Variants in TNFRSF1B observed in about 807,000 individuals in gnomAD.
TNFRSF1B encodes tumor necrosis factor receptor superfamily member 1B.
A neutral mutation model predicts 44.6 loss-of-function variants in TNFRSF1B; 19 were observed. The observed-to-expected ratio is 0.43, with a 90% CI of 0.30 to 0.62. TNFRSF1B has a LOEUF of 0.62. Among genes scored for constraint, TNFRSF1B ranks in the 20% least tolerant of loss-of-function variants. TNFRSF1B has a pLI of 0.16. For synonymous variants in TNFRSF1B, 252 were observed against 261.1 expected (o/e 0.97, Z 0.34); for missense variants, 541 against 619.9 (o/e 0.87, Z 1.35).
chr1:12,206,765 C>A lies in TNFRSF1B; in HGVS notation c.1131C>A (p.Thr377=). The change falls in exon 10 of 10, where the codon ACC becomes ACA. Residue 377 remains threonine, a synonymous_variant. Coordinates refer to ENST00000376259, the MANE Select transcript of TNFRSF1B (RefSeq NM_001066.3). ...SSDSSPGGHG[T]QVNVTCIVNV... ...ATTCTTCCCCTGGTGGCCATGGGAC[C>A]CAGGTCAATGTCACCTGCATCGTGA... 1 of 1,601,280 alleles carries A rather than the reference C, an allele frequency of 6.2e-7. No individual in the cohort carries two copies. Among genetic ancestry groups the A allele is most frequent in the Non-Finnish European group, 8.5e-7 (1 of 1,170,694 alleles).
At chr1:12,183,813 T>G (rs1414017153) in intron 1 of TNFRSF1B, among the ~76,000 whole-genome samples, 1 of 144,368 alleles carries the variant, frequency 6.9e-6, no homozygotes, top group Non-Finnish European at 1.5e-5. Flanking sequence ...TAGCTATCTA[T>G]CTATTCTATC....
At chr1:12,173,774 C>T (rs1388157791) in intron 1 of TNFRSF1B, among the ~76,000 whole-genome samples, 1 of 152,186 alleles carries the variant, frequency 6.6e-6, no homozygotes, top group Non-Finnish European at 1.5e-5. Flanking sequence ...GCCTTGATCA[C>T]CTCTGCTGAG....
rs996737015 is a variant in TNFRSF1B, at chr1:12,188,964, G to A, written c.178+69G>A. On this transcript the variant is annotated intron_variant, in intron 2 of 9. Transcript: ENST00000376259. ...AGCGTGTGTGTACAGGGGCTGGGGC[G>A]CAAGAGCATAGCCCTTGATTCTTAC... is the stretch of plus-strand genomic sequence containing the variant. The A allele has an allele frequency of 1.1e-5, 15 of 1,386,824 alleles. No homozygotes were observed. In the Admixed American group the frequency reaches 1.1e-4, roughly 10 times the overall value. 85.9% of individuals were successfully genotyped at this position (1,386,824 alleles called of 1,614,324 possible).
In TNFRSF1B at chr1:12,202,148, CCCGG is replaced by C; in HGVS notation, c.1083_1086del (p.Arg362ProfsTer23). On this transcript the variant is annotated frameshift_variant, in exon 9 of 10. Transcript: ENST00000376259. LOFTEE classifies it low-confidence loss of function (END_TRUNC). ...GTGGAGGCCAGTGGGGCCGGGGAGG[CCCGG>C]GCCAGCACCGGGAGCTCAGGTAAGA... 1 of 1,552,580 alleles carries C rather than the reference CCCGG, an allele frequency of 6.4e-7. No individual in the cohort carries two copies. The highest frequency in any genetic ancestry group is 8.7e-7 in the Non-Finnish European group (1 of 1,149,210).
Position 12,191,756 on chromosome 1 carries a change from G to A in TNFRSF1B, c.308-18G>A, listed in dbSNP as rs1394661716. ...GCGGAGGCAGGCGTGACCGTTTGCCGCCCTCTCGCTGCTCTAGACCAGGTG... is the reference window on the plus strand; with the variant it reads ...GCGGAGGCAGGCGTGACCGTTTGCCACCCTCTCGCTGCTCTAGACCAGGTG... On this transcript the variant is annotated intron_variant, in intron 3 of 9. Coordinates refer to ENST00000376259, the MANE Select transcript of TNFRSF1B (RefSeq NM_001066.3). 3.1e-6 allele frequency: 5 copies of A among 1,612,660 alleles called. No individual in the cohort carries two copies. The highest frequency in any genetic ancestry group is 2.2e-5 in the South Asian group (2 of 91,004).
intron 4 of TNFRSF1B, among the ~76,000 whole-genome samples, 195 bp downstream of exon 4, chr1:12,192,118 CT>C (rs1413536825): frequency 6.6e-6 from 1 of 152,230 alleles, no homozygotes; most frequent in African/African-American, 2.4e-5. Flanking sequence ...GATTAGGCAC[CT>C]CTTATGTACT....
In TNFRSF1B at chr1:12,166,995, G is replaced by C. The variant is rs951236344; in HGVS notation, c.-97G>C. On this transcript the variant is annotated 5_prime_UTR_variant, in exon 1 of 10. Transcript: ENST00000376259. ...GGGGCGCGGGCTTTCGCTTTCAGTC[G>C]AGGGCTAGCGAGCGCAGCGGAGCCT... The C allele has an allele frequency of 3.0e-6, 3 of 990,994 alleles. No individual in the cohort carries two copies. Among genetic ancestry groups the C allele is most frequent in the South Asian group, 8.4e-5 (2 of 23,750 alleles). The allele number at this position is 990,994 out of a possible 1,614,324, so 61.4% of individuals were successfully genotyped here. A position where few individuals can be genotyped will look rare whatever the true frequency, so the allele number is the denominator to read the frequency against.
intron 1 of TNFRSF1B, among the ~76,000 whole-genome samples, chr1:12,174,154 TCTTCTTCTTCTC>T (rs1557623648): frequency 5.4e-5 from 4 of 74,076 alleles, no homozygotes; most frequent in African/African-American, 1.9e-4. Flanking sequence ...TTCTTCTTCT[TCTTCTTCTTCTC>T]CTTCTCCTTC....
At chr1:12,196,635 C>T (rs1329643984) in intron 8 of TNFRSF1B, among the ~76,000 whole-genome samples, 1 of 152,216 alleles carries the variant, frequency 6.6e-6, no homozygotes, top group Non-Finnish European at 1.5e-5. Context: ...CTGAGTTGCT[C>T]AAGGTCGCAC....
chr1:12,191,940 A>G lies in TNFRSF1B; in HGVS notation c.457+17A>G. On this transcript the variant is annotated intron_variant, in intron 4 of 9. Coordinates refer to ENST00000376259, the MANE Select transcript of TNFRSF1B (RefSeq NM_001066.3). ...CCAGACCAGGTACGGGGTGGGGCTC[A>G]GGTCCTTGGGGACGCCCATGGGCCT... The G allele has an allele frequency of 6.2e-7, 1 of 1,604,480 alleles. No individual in the cohort carries two copies. Among genetic ancestry groups the G allele is most frequent in the Non-Finnish European group, 8.5e-7 (1 of 1,176,016 alleles).
chr1:12,183,699 T>TCTAGCTAG (rs1261488706), intron 1 of TNFRSF1B, among the ~76,000 whole-genome samples: 36 of 102,332 alleles, frequency 3.5e-4, no homozygotes, highest in African/African-American at 1.1e-3. Flanking sequence ...TATCTATCTA[T>TCTAGCTAG]CTATCTATCT....
chr1:12,195,853 GAA>G (rs1243397237), intron 8 of TNFRSF1B, among the ~76,000 whole-genome samples: 1 of 152,144 alleles, frequency 6.6e-6, no homozygotes, highest in Non-Finnish European at 1.5e-5. Flanking sequence ...GGCAGGTAGA[GAA>G]AGAACTTCTC....
chr1:12,206,513 G>A (rs926088140), intron 9 of TNFRSF1B, among the ~76,000 whole-genome samples: 3 of 152,180 alleles, frequency 2.0e-5, no homozygotes, highest in Admixed American at 6.5e-5. Flanking sequence ...GGGTGATTGG[G>A]GCTGGGTAGG....
At chr1:12,182,832 A>G (rs887240236) in intron 1 of TNFRSF1B, among the ~76,000 whole-genome samples, 2 of 152,264 alleles carry the variant, frequency 1.3e-5, no homozygotes, top group African/African-American at 4.8e-5. Flanking sequence ...CCTGGGTGAC[A>G]GAGACAGCTC....
rs528965881 is a variant in TNFRSF1B, at chr1:12,178,490, G to A, written c.79-10306G>A. Among the ~76,000 whole-genome samples, 7 of 152,300 alleles carry A rather than the reference G, an allele frequency of 4.6e-5. No homozygotes were observed. Among genetic ancestry groups the A allele is most frequent in the African/African-American group, 9.6e-5 (4 of 41,546 alleles). ...CCCACGTGTCTGTGTCTGGCTCAGCGCCCATACAAGGGTGTCAAGGTTGCG... is the reference window on the plus strand; with the variant it reads ...CCCACGTGTCTGTGTCTGGCTCAGCACCCATACAAGGGTGTCAAGGTTGCG... On this transcript the variant is annotated intron_variant, in intron 1 of 9. Transcript: ENST00000376259. The surrounding 1 kb of genome is among the most constrained non-coding windows in gnomAD (Gnocchi z 4.3).
Position 12,194,002 on chromosome 1 carries a change from G to C in TNFRSF1B, c.835G>C (p.Val279Leu), listed in dbSNP as rs776907951. The C allele has an allele frequency of 1.2e-6, 2 of 1,614,070 alleles. No individual in the cohort carries two copies. Among genetic ancestry groups the C allele is most frequent in the Non-Finnish European group, 8.5e-7 (1 of 1,179,958 alleles). The stretch of plus-strand genomic sequence containing the variant: ...CTTGGGTCTACTAATAATAGGAGTG[G>C]TGAACTGTGTCATCATGACCCAGGT... ...TALGLLIIGV[V>L]NCVIMTQVKK... Residue 279 changes from valine (V) to leucine (L), a missense_variant, in exon 7 of 10, where the codon GTG becomes CTG. By Grantham distance (32) the Val-to-Leu change is conservative. Transcript: ENST00000376259.
At chr1:12,189,220 G>A (rs891077312) in intron 2 of TNFRSF1B, among the ~76,000 whole-genome samples, 5 of 152,212 alleles carry the variant, frequency 3.3e-5, no homozygotes, top group African/African-American at 1.2e-4. Flanking sequence ...GGGGGAGTCA[G>A]GGAGGGCTGC....
At chr1:12,202,240 A>G in intron 9 of TNFRSF1B, 69 bp downstream of exon 9, 1 of 1,520,850 alleles carries the variant, frequency 6.6e-7, no homozygotes, top group South Asian at 1.2e-5. Context: ...TTTCTGTCTT[A>G]GCCATCTCCT....
In TNFRSF1B at chr1:12,171,205, G is replaced by A. The variant is rs1236889151; in HGVS notation, c.78+4036G>A. Among the ~76,000 whole-genome samples, 2 of 150,936 alleles carry A rather than the reference G, an allele frequency of 1.3e-5. No homozygotes were observed. Among genetic ancestry groups the A allele is most frequent in the Non-Finnish European group, 3.0e-5 (2 of 67,796 alleles). ...TTTTTTTTTTTTTTAGTAGAGACCG[G>A]GTTTTGCCATGTTGGCCAGGCTGGT... On this transcript the variant is annotated intron_variant, in intron 1 of 9. Transcript: ENST00000376259. The surrounding 1 kb of genome is among the most constrained non-coding windows in gnomAD (Gnocchi z 4.5).
Sources: allele counts gnomAD v4.1 joint callset (sites outside exome capture counted in the v4.1 genomes callset), GRCh38; gene constraint gnomAD v4.1.1; non-coding constraint Gnocchi (gnomAD v3.1); transcripts MANE v1.5; gene names NCBI Gene and HGNC (gene_info 2026-07-23, HGNC 2026-07-21).